EPC2: variants seen among roughly 807,000 people sequenced by gnomAD.
The protein encoded by EPC2 is enhancer of polycomb 2.
EPC2 carries 14 observed loss-of-function variants against 92.1 expected under a neutral mutation model. The ratio of observed to expected loss-of-function variants is 0.15; its 90% CI spans 0.10 to 0.24. The LOEUF (loss-of-function observed/expected upper bound fraction) is 0.24. Ranked by LOEUF, EPC2 falls within the 10% of genes least tolerant of loss-of-function variation. EPC2 has a pLI of 1.00. For synonymous variants in EPC2, 340 were observed against 334.7 expected, an observed-to-expected ratio of 1.02 and a Z score of -0.17; for missense variants, 755 against 971.5, an observed-to-expected ratio of 0.78 and a Z score of 2.96.
chr2:148,657,302 A>G (rs1360724421), intron 1 of EPC2, among the ~76,000 whole-genome samples: 3 of 152,290 alleles, frequency 2.0e-5, no homozygotes, highest in African/African-American at 7.2e-5. Context: ...GATTGTTTAT[A>G]CATTATAGGT....
At chr2:148,674,388 C>G (rs1681222860) in intron 1 of EPC2, among the ~76,000 whole-genome samples, 1 of 151,380 alleles carries the variant, frequency 6.6e-6, no homozygotes, top group Non-Finnish European at 1.5e-5. Flanking sequence ...GAATTAGTCC[C>G]TTCTACATTC....
intron 2 of EPC2, among the ~76,000 whole-genome samples, chr2:148,720,830 A>C (rs536636623): frequency 6.6e-6 from 1 of 152,144 alleles, no homozygotes; most frequent in Non-Finnish European, 1.5e-5. Flanking sequence ...ATAAGTCTCA[A>C]TGCGACTACC....
intron 1 of EPC2, 114 bp from the exon 2 acceptor site, chr2:148,690,100 T>A: frequency 9.7e-7 from 1 of 1,035,324 alleles, no homozygotes; most frequent in Non-Finnish European, 1.4e-6. Context: ...AGGAACTATT[T>A]ATAATTGATT....
chr2:148,721,712 CT>C (rs34017461), intron 2 of EPC2, among the ~76,000 whole-genome samples: 6,537 of 111,478 alleles, frequency 0.059, 157 homozygotes, highest in African/African-American at 0.14. Flanking sequence ...CTGTTTTATT[CT>C]TTTTTTTTTT....
At chr2:148,694,317 A>G (rs1442669363) in intron 2 of EPC2, among the ~76,000 whole-genome samples, 1 of 152,198 alleles carries the variant, frequency 6.6e-6, no homozygotes, top group Admixed American at 6.5e-5. Context: ...AAGTGAGACA[A>G]ACATTCTTGT....
At position 148,784,822 on chromosome 2, in the gene EPC2, T is replaced by C. The variant is rs1683831369; in HGVS notation, c.2172T>C (p.Asn724=). The change falls in exon 13 of 14, where the codon AAT becomes AAC. Residue 724 remains asparagine (N), a synonymous_variant. Transcript: ENST00000258484. ...TSSPQTLPMN[N]SCLTNAVHLN... ...GTCCTCAGACACTTCCCATGAACAA[T>C]TCCTGCCTGACAAATGCAGTGCACC... is the stretch of plus-strand genomic sequence containing the variant. 1.2e-6 allele frequency: 2 copies of C among 1,613,860 alleles called. No homozygotes were observed. The highest frequency in any genetic ancestry group is 1.7e-6 in the Non-Finnish European group (2 of 1,179,886).
chr2:148,747,017 A>G (rs1682997384), intron 3 of EPC2, among the ~76,000 whole-genome samples: 1 of 152,184 alleles, frequency 6.6e-6, no homozygotes, highest in Non-Finnish European at 1.5e-5. Flanking sequence ...ATTCTCTTTC[A>G]TAGGATTTTC....
chr2:148,683,959 T>C (rs1024796605), intron 1 of EPC2, among the ~76,000 whole-genome samples: 6 of 152,248 alleles, frequency 3.9e-5, no homozygotes, highest in African/African-American at 1.4e-4. Flanking sequence ...ATAGAGGTTG[T>C]ACTAGTTTAC....
Position 148,709,395 on chromosome 2 carries a change from A to G in EPC2, c.313+19022A>G, listed in dbSNP as rs1418558025. Among the ~76,000 whole-genome samples the G allele has an allele frequency of 2.6e-5, 4 of 152,354 alleles. No individual in the cohort carries two copies. The East Asian group carries it at 5.8e-4, about 22-fold the overall frequency. ...CCATGCTCATGGATAGGAAGAATCA[A>G]TATCGTAAAAATGGCCATACTGCCC... On this transcript the variant is annotated intron_variant, in intron 2 of 13. Transcript: ENST00000258484.
intron 10 of EPC2, among the ~76,000 whole-genome samples, chr2:148,780,056 TA>T (rs1558838923): frequency 6.6e-6 from 1 of 152,136 alleles, no homozygotes; most frequent in Non-Finnish European, 1.5e-5. Context: ...ATTTAGAATT[TA>T]AAAAAAATTT....
intron 2 of EPC2, among the ~76,000 whole-genome samples, chr2:148,728,419 T>C (rs1259667995): frequency 3.3e-5 from 5 of 152,010 alleles, no homozygotes; most frequent in Non-Finnish European, 5.9e-5. Context: ...ATTGTTTGGG[T>C]GTGCTCGTTT....
In EPC2 at chr2:148,644,922, C is replaced by T; in HGVS notation, c.-96C>T. On this transcript the variant is annotated 5_prime_UTR_variant, in exon 1 of 14. Transcript: ENST00000258484. ...GGAGGAGCGGGCCGGCCGCGCTGCA[C>T]TGAGGAAGGAGGTGGAGGAGGCGGC... 1.8e-6 allele frequency: 2 copies of T among 1,111,474 alleles called. No individual in the cohort carries two copies. The highest frequency in any genetic ancestry group is 1.4e-5 in the South Asian group (1 of 70,476). 68.9% of individuals were successfully genotyped at this position (1,111,474 alleles called of 1,614,324 possible).
intron 2 of EPC2, among the ~76,000 whole-genome samples, chr2:148,721,712 C>CTTTTTTTTTTTTTTTT: frequency 9.0e-6 from 1 of 111,536 alleles, no homozygotes; most frequent in Admixed American, 9.0e-5. Context: ...CTGTTTTATT[C>CTTTTTTTTTTTTTTTT]TTTTTTTTTT....
chr2:148,663,535 T>C (rs1229625236), intron 1 of EPC2, among the ~76,000 whole-genome samples: 2 of 150,932 alleles, frequency 1.3e-5, no homozygotes, highest in African/African-American at 4.9e-5. Context: ...TTGTATTATT[T>C]AATGCAAAAT....
At chr2:148,774,322 C>T (rs1574635942) in intron 10 of EPC2, among the ~76,000 whole-genome samples, 1 of 152,086 alleles carries the variant, frequency 6.6e-6, no homozygotes, top group Non-Finnish European at 1.5e-5. Flanking sequence ...ATGTCATAAC[C>T]CATGTGTCCA....
At chr2:148,781,446 G>A (rs1454221194) in intron 10 of EPC2, among the ~76,000 whole-genome samples, 198 bp from the exon 11 acceptor site, 2 of 152,166 alleles carry the variant, frequency 1.3e-5, no homozygotes, top group African/African-American at 2.4e-5. Context: ...CTTAGCATGT[G>A]ATGGAGATTA....
intron 1 of EPC2, among the ~76,000 whole-genome samples, chr2:148,665,038 T>G (rs1681031552): frequency 6.6e-6 from 1 of 152,248 alleles, no homozygotes; most frequent in Non-Finnish European, 1.5e-5. Flanking sequence ...TAAAGATACT[T>G]TGAGACATTT....
chr2:148,734,606 A>G (rs946859942), intron 2 of EPC2, among the ~76,000 whole-genome samples: 4 of 152,102 alleles, frequency 2.6e-5, no homozygotes, highest in African/African-American at 9.7e-5. Context: ...CCTTTATTGA[A>G]CACATACTTT....
chr2:148,727,389 G>C (rs556730215), intron 2 of EPC2, among the ~76,000 whole-genome samples: 19 of 152,214 alleles, frequency 1.2e-4, no homozygotes, highest in South Asian at 4.1e-4. Context: ...GATGTCTTCT[G>C]TATACTGAGT....
Sources: gnomAD v4.1 joint callset for allele counts (sites outside exome capture counted in the v4.1 genomes callset) on GRCh38, gnomAD v4.1.1 for gene constraint, MANE v1.5 for transcripts, NCBI Gene and HGNC (gene_info 2026-07-23, HGNC 2026-07-21) for gene names.